TTLL5: variants seen among roughly 807,000 people sequenced by gnomAD.
The protein encoded by TTLL5 is tubulin tyrosine ligase like 5.
In TTLL5, 132 loss-of-function variants were observed where a neutral mutation model predicts 168.4. The ratio of observed to expected loss-of-function variants is 0.78; its 90% CI spans 0.68 to 0.91. TTLL5 has a LOEUF of 0.91. Among genes scored for constraint, TTLL5 ranks in the 40% least tolerant of loss-of-function variants. The pLI is 0.00. For synonymous variants in TTLL5, 546 were observed against 558.6 expected, an observed-to-expected ratio of 0.98 and a Z score of 0.32; for missense variants, 1,545 against 1,581.5, an observed-to-expected ratio of 0.98 and a Z score of 0.39.
At chr14:75,683,497 G>T in intron 4 of TTLL5, 53 bp from the exon 5 acceptor site, 1 of 1,394,704 alleles carries the variant, frequency 7.2e-7, no homozygotes, top group East Asian at 2.3e-5. Context: ...TTTTCCTGGA[G>T]AAGGGGTATC....
At position 75,717,851 on chromosome 14, in the gene TTLL5, C is replaced by G; in HGVS notation, c.741-10C>G. 4 of 1,612,328 alleles carry G rather than the reference C, an allele frequency of 2.5e-6. No individual in the cohort carries two copies. Among genetic ancestry groups the G allele is most frequent in the Non-Finnish European group, 2.5e-6 (3 of 1,178,872 alleles). ...TGTTCCTGGCATTTAACCTGTTTCC[C>G]TTCTATCAGGTTTGCAACTGTGCGA... is the stretch of plus-strand genomic sequence containing the variant. On this transcript the variant is annotated splice_polypyrimidine_tract_variant and intron_variant, in intron 9 of 31. Transcript: ENST00000298832.
At chr14:75,857,318 T>C (rs2139917467) in intron 28 of TTLL5, among the ~76,000 whole-genome samples, 1 of 152,286 alleles carries the variant, frequency 6.6e-6, no homozygotes, top group African/African-American at 2.4e-5. Flanking sequence ...TACCCTTGCA[T>C]TCCTATGGTA....
Position 75,921,838 on chromosome 14 carries a change from A to G in TTLL5, c.3823+19614A>G, listed in dbSNP as rs2033835549. ...TGGGCAATATGGCCATTTTCACTAT[A>G]TTGATTCTTCCTATCCATGAGCATG... is the stretch of plus-strand genomic sequence containing the variant. On this transcript the variant is annotated intron_variant, in intron 31 of 31. Coordinates refer to ENST00000298832, the MANE Select transcript of TTLL5 (RefSeq NM_015072.5). Among the ~76,000 whole-genome samples, 3 of 152,162 alleles carry G rather than the reference A, an allele frequency of 2.0e-5. No homozygotes were observed. The South Asian group carries it at 6.2e-4, about 31-fold the overall frequency.
At chr14:75,705,205 T>C (rs1056687475) in intron 7 of TTLL5, among the ~76,000 whole-genome samples, 1 of 152,220 alleles carries the variant, frequency 6.6e-6, no homozygotes, top group Non-Finnish European at 1.5e-5. Context: ...TCAGTAATGA[T>C]GTCATTGTGT....
chr14:75,863,760 C>T lies in TTLL5; in HGVS notation c.3420C>T (p.His1140=). The part of the protein sequence containing the change: ...ATGVVPQHKY[H]PTAGSYQLQF... ...GGGTGGTCCCCCAGCACAAGTATCA[C>T]CCCACAGCAGGCAGCTATCAGCTTC... Residue 1140 remains histidine, a synonymous_variant, in exon 29 of 32, where the codon CAC becomes CAT. Coordinates refer to ENST00000298832, the MANE Select transcript of TTLL5 (RefSeq NM_015072.5). 1 of 1,613,724 alleles carries T rather than the reference C, an allele frequency of 6.2e-7. No individual in the cohort carries two copies. The highest frequency in any genetic ancestry group is 8.5e-7 in the Non-Finnish European group (1 of 1,179,932).
intron 28 of TTLL5, among the ~76,000 whole-genome samples, chr14:75,859,432 T>A (rs968614278): frequency 6.6e-6 from 1 of 152,206 alleles, no homozygotes; most frequent in African/African-American, 2.4e-5. Context: ...TTGTTGCCTA[T>A]TTGCTACATA....
intron 29 of TTLL5, among the ~76,000 whole-genome samples, chr14:75,867,041 C>CAG (rs2030576710): frequency 6.6e-6 from 1 of 152,192 alleles, no homozygotes; most frequent in Non-Finnish European, 1.5e-5. Context: ...TGTTTTAAGT[C>CAG]AGAGCAGAGG....
At chr14:75,878,345 G>C (rs2031613955) in intron 29 of TTLL5, among the ~76,000 whole-genome samples, 1 of 152,132 alleles carries the variant, frequency 6.6e-6, no homozygotes, top group Non-Finnish European at 1.5e-5. Context: ...AGAAACCCAT[G>C]CTCCTTCTGT....
chr14:75,883,050 C>A, intron 30 of TTLL5, 148 bp downstream of exon 30: 1 of 899,388 alleles, frequency 1.1e-6, no homozygotes, highest in Non-Finnish European at 1.6e-6. Flanking sequence ...TAGTTCTCAG[C>A]GTGGGCTACA....
intron 18 of TTLL5, among the ~76,000 whole-genome samples, chr14:75,762,127 G>A (rs1408291225): frequency 1.3e-5 from 2 of 152,126 alleles, no homozygotes; most frequent in African/African-American, 4.8e-5. Context: ...TGGGCGTGGT[G>A]GCTCACACCT....
chr14:75,912,426 C>T (rs983000512), intron 31 of TTLL5, among the ~76,000 whole-genome samples: 2 of 152,174 alleles, frequency 1.3e-5, no homozygotes, highest in Non-Finnish European at 2.9e-5. Flanking sequence ...TAGGCAGGTA[C>T]AGCATAGCCT....
At position 75,863,771 on chromosome 14, in the gene TTLL5, G is replaced by A; in HGVS notation, c.3431G>A (p.Gly1144Asp). ...CAGCACAAGTATCACCCCACAGCAG[G>A]CAGCTATCAGCTTCAATTTGCCCTG... ...VPQHKYHPTA[G>D]SYQLQFALQQ... is the part of the protein sequence containing the mutation. The change falls in exon 29 of 32, where the codon GGC becomes GAC. Residue 1144 changes from glycine to aspartate, a missense_variant. By Grantham distance (94) the Gly-to-Asp change is moderately conservative. Coordinates refer to ENST00000298832, the MANE Select transcript of TTLL5 (RefSeq NM_015072.5). 1 of 1,613,828 alleles carries A rather than the reference G, an allele frequency of 6.2e-7. No individual in the cohort carries two copies.
intron 31 of TTLL5, among the ~76,000 whole-genome samples, chr14:75,953,023 T>C (rs969914707): frequency 6.6e-6 from 1 of 152,304 alleles, no homozygotes. Flanking sequence ...AATATGTGAA[T>C]TACATCTCAA....
intron 31 of TTLL5, 47 bp downstream of exon 31, chr14:75,902,271 G>T (rs1382462656): frequency 1.9e-6 from 3 of 1,595,934 alleles, no homozygotes; most frequent in Non-Finnish European, 1.7e-6. Context: ...GACAGGGAAG[G>T]TGTTGGGCTT....
At chr14:75,764,122 A>T (rs1395481090) in intron 18 of TTLL5, among the ~76,000 whole-genome samples, 1 of 152,166 alleles carries the variant, frequency 6.6e-6, no homozygotes, top group Non-Finnish European at 1.5e-5. Context: ...TTCACAGATC[A>T]TCAGCCTTTG....
At chr14:75,794,785 G>T (rs967068571) in intron 27 of TTLL5, among the ~76,000 whole-genome samples, 1 of 152,218 alleles carries the variant, frequency 6.6e-6, no homozygotes, top group Admixed American at 6.5e-5. Context: ...GAGTAGTGGA[G>T]AAAGAGCTAG....
intron 31 of TTLL5, among the ~76,000 whole-genome samples, chr14:75,943,691 T>G (rs762199957): frequency 6.6e-6 from 1 of 152,108 alleles, no homozygotes; most frequent in Admixed American, 6.5e-5. Flanking sequence ...ACAAAACAAA[T>G]AAAGAAACAT....
At chr14:75,912,185 T>C (rs1003306842) in intron 31 of TTLL5, among the ~76,000 whole-genome samples, 2 of 152,322 alleles carry the variant, frequency 1.3e-5, no homozygotes, top group Non-Finnish European at 2.9e-5. Flanking sequence ...TCTCCTTTTT[T>C]TTTTTTACAT....
intron 26 of TTLL5, among the ~76,000 whole-genome samples, chr14:75,791,105 C>CAAAAAAAGAA (rs1892685431): frequency 1.3e-5 from 1 of 77,276 alleles, no homozygotes; most frequent in African/African-American, 7.6e-5. Flanking sequence ...GACTCTGTCT[C>CAAAAAAAGAA]AAAAAAAAAA....
Sources: gnomAD v4.1 joint callset for allele counts (sites outside exome capture counted in the v4.1 genomes callset) on GRCh38, gnomAD v4.1.1 for gene constraint, MANE v1.5 for transcripts, NCBI Gene and HGNC (gene_info 2026-07-23, HGNC 2026-07-21) for gene names.